LRRC4C: variants seen among roughly 807,000 people sequenced by gnomAD.
The protein encoded by LRRC4C is leucine rich repeat containing 4C.
LRRC4C carries 5 observed loss-of-function variants against 33.6 expected under a neutral mutation model. The observed-to-expected ratio is 0.15, with a 90% CI of 0.08 to 0.31. The LOEUF (loss-of-function observed/expected upper bound fraction) is 0.31. LRRC4C is among the 10% of genes least tolerant of loss of function. LRRC4C has a pLI of 1.00. For synonymous variants in LRRC4C, 329 were observed against 302.0 expected (o/e 1.09, Z -0.93); for missense variants, 560 against 796.7 (o/e 0.70, Z 3.58).
At chr11:41,136,195 A>G (rs925593188) in intron 1 of LRRC4C, among the ~76,000 whole-genome samples, 2 of 152,210 alleles carry the variant, frequency 1.3e-5, no homozygotes, top group African/African-American at 4.8e-5. Flanking sequence ...AAGACTAAAC[A>G]TAAGGAAATA....
intron 1 of LRRC4C, among the ~76,000 whole-genome samples, chr11:41,049,807 G>A (rs140608214): frequency 0.013 from 1,967 of 152,264 alleles, 21 homozygotes; most frequent in Non-Finnish European, 0.019. Flanking sequence ...CTGGCATGTT[G>A]GCTTACATGT....
chr11:41,290,019 C>A (rs1949946146), intron 1 of LRRC4C, among the ~76,000 whole-genome samples: 1 of 152,130 alleles, frequency 6.6e-6, no homozygotes, highest in African/African-American at 2.4e-5. Context: ...GGATTCCTTT[C>A]CTGTAGTAGT....
chr11:40,823,674 G>T (rs1450050913), intron 2 of LRRC4C, among the ~76,000 whole-genome samples: 3 of 151,568 alleles, frequency 2.0e-5, no homozygotes, highest in Admixed American at 6.6e-5. Flanking sequence ...TAACAAAAAC[G>T]ATAGATAATA....
Position 40,792,359 on chromosome 11 carries a change from G to A in LRRC4C, c.-407+141276C>T, listed in dbSNP as rs112836438. Among the ~76,000 whole-genome samples, 1,075 of 152,112 alleles carry A rather than the reference G, an allele frequency of 7.1e-3. 9 individuals carry two copies. Among genetic ancestry groups the A allele is most frequent in the African/African-American group, 0.025 (1,033 of 41,500 alleles). ...GAAGACATGCAGACTGGTGTAAAAA[G>A]AAGTTTAATGGTAAATGAAAATAAA... On this transcript the variant is annotated intron_variant, in intron 2 of 6. Transcript: ENST00000528697.
intron 3 of LRRC4C, among the ~76,000 whole-genome samples, chr11:40,337,796 G>A (rs1404078307): frequency 2.0e-5 from 3 of 152,038 alleles, no homozygotes; most frequent in African/African-American, 7.2e-5. Flanking sequence ...ATAGCCTAGT[G>A]CCCATTGATT....
Position 41,331,082 on chromosome 11 carries a change from G to A in LRRC4C, c.-496+128349C>T, listed in dbSNP as rs530182300. Among the ~76,000 whole-genome samples the A allele has an allele frequency of 7.4e-4, 113 of 152,244 alleles. No homozygotes were observed. In the South Asian group the frequency reaches 0.023, roughly 31 times the overall value. ...GTACTTCCTTAGCTGAATAAGCAGA[G>A]GGTCCAACATAGTTCTACTGAAAAT... On this transcript the variant is annotated intron_variant, in intron 1 of 6. Transcript: ENST00000528697.
intron 3 of LRRC4C, among the ~76,000 whole-genome samples, chr11:40,492,862 G>A (rs1325285637): frequency 6.6e-6 from 1 of 152,016 alleles, no homozygotes; most frequent in Non-Finnish European, 1.5e-5. Flanking sequence ...CAGATTATGA[G>A]AATGACCCTA....
chr11:40,705,765 T>C (rs4633460), intron 2 of LRRC4C, among the ~76,000 whole-genome samples: 80,699 of 151,752 alleles, frequency 0.53, 21,684 homozygotes, highest in African/African-American at 0.58. Flanking sequence ...GTTCCAGATC[T>C]TTGATGAATT....
At chr11:41,070,909 C>T (rs1407577135) in intron 1 of LRRC4C, among the ~76,000 whole-genome samples, 1 of 152,036 alleles carries the variant, frequency 6.6e-6, no homozygotes, top group East Asian at 1.9e-4. Context: ...TAAGTATATA[C>T]CCAAAGGAAT....
chr11:40,470,463 CG>C (rs1387498881), intron 3 of LRRC4C, among the ~76,000 whole-genome samples: 2 of 152,072 alleles, frequency 1.3e-5, no homozygotes, highest in Non-Finnish European at 2.9e-5. Flanking sequence ...TTCCAAAAAC[CG>C]GAATGTCTCT....
At chr11:40,374,116 G>T (rs1444304057) in intron 3 of LRRC4C, among the ~76,000 whole-genome samples, 1 of 152,104 alleles carries the variant, frequency 6.6e-6, no homozygotes, top group East Asian at 1.9e-4. Context: ...GAGGAACAAG[G>T]ATCATTCTCA....
At chr11:40,946,483 T>A (rs1958406767) in intron 1 of LRRC4C, among the ~76,000 whole-genome samples, 1 of 152,222 alleles carries the variant, frequency 6.6e-6, no homozygotes, top group African/African-American at 2.4e-5. Flanking sequence ...ATGGTAGTTC[T>A]GTTTTAAGTT....
At chr11:40,310,381 C>CA (rs1945244084) in intron 4 of LRRC4C, among the ~76,000 whole-genome samples, 1 of 152,140 alleles carries the variant, frequency 6.6e-6, no homozygotes, top group Admixed American at 6.5e-5. Flanking sequence ...TGGGCCCTAA[C>CA]AGACTCTGAT....
intron 2 of LRRC4C, among the ~76,000 whole-genome samples, chr11:40,691,978 T>A (rs1378472402): frequency 4.6e-5 from 7 of 152,060 alleles, no homozygotes; most frequent in Admixed American, 4.6e-4. Flanking sequence ...GACAGAAATC[T>A]ACTTTTCTTA....
At chr11:41,292,150 T>C (rs1270222335) in intron 1 of LRRC4C, among the ~76,000 whole-genome samples, 1 of 152,154 alleles carries the variant, frequency 6.6e-6, no homozygotes, top group Non-Finnish European at 1.5e-5. Flanking sequence ...GTGGGACAAT[T>C]AGGTATCTCC....
intron 5 of LRRC4C, among the ~76,000 whole-genome samples, chr11:40,239,748 T>C (rs1264404541): frequency 1.3e-5 from 2 of 152,194 alleles, no homozygotes; most frequent in South Asian, 2.1e-4. Context: ...TTCTCAACAC[T>C]TAATAATAAA....
intron 5 of LRRC4C, among the ~76,000 whole-genome samples, chr11:40,240,824 T>A (rs866648840): frequency 6.6e-6 from 1 of 152,090 alleles, no homozygotes; most frequent in Non-Finnish European, 1.5e-5. Context: ...ATAGTTTCAT[T>A]AAGAAAGCAT....
intron 3 of LRRC4C, among the ~76,000 whole-genome samples, chr11:40,429,568 T>TAATAA (rs1555056077): frequency 4.7e-5 from 7 of 147,698 alleles, no homozygotes; most frequent in African/African-American, 1.8e-4. Context: ...GCAATAATAA[T>TAATAA]AAAAAAAAAA....
At chr11:40,580,058 GGTGTGTGT>G (rs72110597) in intron 3 of LRRC4C, among the ~76,000 whole-genome samples, 11 of 145,436 alleles carry the variant, frequency 7.6e-5, no homozygotes, top group African/African-American at 1.5e-4. Context: ...GTACTTTTCA[GGTGTGTGT>G]GTGTGTGTGT....
Sources: allele counts gnomAD v4.1 joint callset (sites outside exome capture counted in the v4.1 genomes callset), GRCh38; gene constraint gnomAD v4.1.1; transcripts MANE v1.5; gene names NCBI Gene and HGNC (gene_info 2026-07-23, HGNC 2026-07-21).